CNTN6: variants seen among roughly 807,000 people sequenced by gnomAD.
CNTN6 encodes the protein contactin-6.
CNTN6 carries 137 observed loss-of-function variants against 122.8 expected under a neutral mutation model. The ratio of observed to expected loss-of-function variants is 1.12; its 90% CI spans 0.97 to 1.29. The LOEUF (loss-of-function observed/expected upper bound fraction) is 1.29, where lower values mean the gene tolerates loss of function less well. CNTN6 is among the 50% of genes most tolerant of loss of function. The pLI, the probability that CNTN6 is intolerant of heterozygous loss-of-function variation, is 0.00. For synonymous variants in CNTN6, 570 were observed against 426.0 expected, an observed-to-expected ratio of 1.34 and a Z score of -4.16; for missense variants, 1,634 against 1,223.4, an observed-to-expected ratio of 1.34 and a Z score of -5.01.
chr3:1,388,905 G>A (rs1693633443), intron 20 of CNTN6, among the ~76,000 whole-genome samples: 1 of 136,708 alleles, frequency 7.3e-6, no homozygotes, highest in South Asian at 2.4e-4. Flanking sequence ...AAGAAATATG[G>A]GACTATGTGA....
chr3:1,280,767 A>G (rs1195560258), intron 5 of CNTN6, among the ~76,000 whole-genome samples: 1 of 151,928 alleles, frequency 6.6e-6, no homozygotes, highest in Non-Finnish European at 1.5e-5. Flanking sequence ...ACCTGGTCCG[A>G]GATTTAATTT....
chr3:1,117,907 T>G (rs2091790738), intron 1 of CNTN6, among the ~76,000 whole-genome samples: 3 of 152,198 alleles, frequency 2.0e-5, no homozygotes, highest in Non-Finnish European at 1.5e-5. Flanking sequence ...TTCAGTTCTT[T>G]GCAGTGTGAT....
intron 1 of CNTN6, among the ~76,000 whole-genome samples, chr3:1,115,505 T>C (rs959179600): frequency 1.3e-5 from 2 of 152,180 alleles, no homozygotes; most frequent in African/African-American, 4.8e-5. Flanking sequence ...ATCCCAGCAC[T>C]TTGGGAGGCC....
At chr3:1,401,377 T>C (rs1328469322) in intron 20 of CNTN6, 56 bp from the exon 21 acceptor site, 1 of 1,414,010 alleles carries the variant, frequency 7.1e-7, no homozygotes, top group Non-Finnish European at 9.9e-7. Context: ...TGATGCATCA[T>C]ACTTTGACCA....
intron 7 of CNTN6, among the ~76,000 whole-genome samples, chr3:1,315,571 A>G (rs1428387480): frequency 1.3e-5 from 2 of 152,050 alleles, no homozygotes; most frequent in African/African-American, 4.8e-5. Flanking sequence ...ATCTGTCACA[A>G]TGCCTGGTAC....
chr3:1,327,703 G>A, intron 10 of CNTN6, 117 bp downstream of exon 10: 3 of 1,021,386 alleles, frequency 2.9e-6, no homozygotes, highest in Non-Finnish European at 4.2e-6. Flanking sequence ...ATCAAATAAT[G>A]GGAAATGTCT....
intron 2 of CNTN6, among the ~76,000 whole-genome samples, chr3:1,155,670 C>T (rs2092946197): frequency 1.3e-5 from 2 of 152,138 alleles, no homozygotes. Context: ...AGCAAATACA[C>T]GTTGACTTTG....
At chr3:1,176,790 G>C (rs2093459213) in intron 2 of CNTN6, among the ~76,000 whole-genome samples, 1 of 152,158 alleles carries the variant, frequency 6.6e-6, no homozygotes. Flanking sequence ...TAGATGTTTA[G>C]CTGTGAAGGG....
intron 2 of CNTN6, among the ~76,000 whole-genome samples, chr3:1,198,886 G>T (rs1464700722): frequency 1.3e-5 from 2 of 152,120 alleles, no homozygotes; most frequent in African/African-American, 4.8e-5. Context: ...CTTGTAATTT[G>T]TTAAAACCTG....
chr3:1,190,101 TGCAGACG>T (rs1272899449), intron 2 of CNTN6, among the ~76,000 whole-genome samples: 1 of 152,164 alleles, frequency 6.6e-6, no homozygotes, highest in Admixed American at 6.5e-5. Context: ...CTCATTGATT[TGCAGACG>T]GCAGCCTTCT....
intron 2 of CNTN6, among the ~76,000 whole-genome samples, chr3:1,209,748 AG>A (rs752244012): frequency 2.6e-5 from 3 of 114,124 alleles, no homozygotes; most frequent in Non-Finnish European, 3.7e-5. Context: ...TGTGAGCCCC[AG>A]CACCATCAAA....
chr3:1,386,922 G>C (rs973278573), intron 20 of CNTN6, among the ~76,000 whole-genome samples: 5 of 152,168 alleles, frequency 3.3e-5, no homozygotes, highest in Admixed American at 2.0e-4. Context: ...GCGTATATTT[G>C]TCATGTCCAA....
intron 11 of CNTN6, among the ~76,000 whole-genome samples, chr3:1,340,113 C>T (rs576925610): frequency 6.6e-6 from 1 of 152,194 alleles, no homozygotes; most frequent in South Asian, 2.1e-4. Flanking sequence ...AGTTCAGCAT[C>T]ATACCGCGAT....
intron 7 of CNTN6, among the ~76,000 whole-genome samples, chr3:1,307,476 C>T (rs903504087): frequency 1.5e-5 from 2 of 133,498 alleles, no homozygotes; most frequent in East Asian, 4.0e-4. Flanking sequence ...ATATAACCCC[C>T]CCACACACAA....
At chr3:1,275,022 C>A (rs1559678024) in intron 4 of CNTN6, among the ~76,000 whole-genome samples, 1 of 152,142 alleles carries the variant, frequency 6.6e-6, no homozygotes, top group African/African-American at 2.4e-5. Context: ...TCTCATCTAA[C>A]CCAGCAAAAA....
chr3:1,174,322 G>A (rs2093411285), intron 2 of CNTN6, among the ~76,000 whole-genome samples: 1 of 152,144 alleles, frequency 6.6e-6, no homozygotes, highest in Non-Finnish European at 1.5e-5. Flanking sequence ...TCTTTTAATT[G>A]GCATAGGAGC....
At chr3:1,175,172 C>T (rs1422432520) in intron 2 of CNTN6, among the ~76,000 whole-genome samples, 2 of 134,326 alleles carry the variant, frequency 1.5e-5, no homozygotes, top group Admixed American at 8.9e-5. Context: ...GCCCAGACTA[C>T]GGTGAGTACC....
Position 1,374,031 on chromosome 3 carries a change from G to T in CNTN6, c.2053G>T (p.Glu685Ter), listed in dbSNP as rs1709505330. The T allele has an allele frequency of 6.2e-7, 1 of 1,612,806 alleles. No individual in the cohort carries two copies. The highest frequency in any genetic ancestry group is 1.7e-5 in the Admixed American group (1 of 59,894). Residue 685 changes from glutamate (E) to a stop codon, truncating the protein, a stop_gained, in exon 16 of 23, where the codon GAA (glutamate) becomes TAA (stop). Transcript: ENST00000446702. LOFTEE classifies it high-confidence loss of function. ...TGCCGGCAACAGCATTGGGATTGGA[G>T]AACCAAGTGAACCATCAGAATTGTT... ...VVAGNSIGIG[E>*]PSEPSELLRT...
At chr3:1,152,683 A>G in intron 2 of CNTN6, among the ~76,000 whole-genome samples, 1 of 152,140 alleles carries the variant, frequency 6.6e-6, no homozygotes, top group Non-Finnish European at 1.5e-5. Flanking sequence ...AAAATATTAG[A>G]CAGATTTCAA....
Sources: gnomAD v4.1 joint callset for allele counts (sites outside exome capture counted in the v4.1 genomes callset) on GRCh38, gnomAD v4.1.1 for gene constraint, MANE v1.5 for transcripts, NCBI Gene and HGNC (gene_info 2026-07-23, HGNC 2026-07-21) for gene names.